Variants in DMD observed in about 807,000 individuals in gnomAD.
The protein encoded by DMD is mutant dystrophin.
In DMD, 63 loss-of-function variants were observed where a neutral mutation model predicts 330.1. The ratio of observed to expected loss-of-function variants is 0.19; its 90% CI spans 0.16 to 0.24. The LOEUF is 0.24. Ranked by LOEUF, DMD falls within the 10% of genes least tolerant of loss-of-function variation. The probability of loss-of-function intolerance (pLI) is 1.00; values close to 1 mark genes in which losing one functional copy is unlikely to be tolerated. For synonymous variants in DMD, 1,223 were observed against 959.8 expected (o/e 1.27, Z -5.07); for missense variants, 3,344 against 2,684.1 (o/e 1.25, Z -5.43).
intron 11 of DMD, among the ~76,000 whole-genome samples, chrX:32,625,152 CAG>C (rs758155078): frequency 5.2e-4 from 58 of 111,438 alleles, no homozygotes; most frequent in African/African-American, 1.8e-3. Flanking sequence ...GCCTGAGTGA[CAG>C]AGTGAAACGC....
Position 33,012,126 on chromosome X carries a change from T to A in DMD, c.93+8013A>T, listed in dbSNP as rs148174527. Among the ~76,000 whole-genome samples the A allele has an allele frequency of 2.7e-3, 299 of 111,983 alleles. 3 individuals are homozygous for A. Among genetic ancestry groups the A allele is most frequent in the East Asian group, 0.012 (43 of 3,568 alleles). On this transcript the variant is annotated intron_variant, in intron 2 of 78. Transcript: ENST00000357033. ...CTATTAACAATAAGTGATTTGTCTT[T>A]CTTTGAAAACAGTGAGACCTATCAC...
At chrX:32,408,876 C>CTATA (rs1328407280) in intron 30 of DMD, among the ~76,000 whole-genome samples, 2 of 103,959 alleles carry the variant, frequency 1.9e-5, no homozygotes, top group East Asian at 6.1e-4. Flanking sequence ...ATCTATCTAT[C>CTATA]TATCTATCTA....
chrX:31,872,177 T>C (rs2149666530), intron 48 of DMD, among the ~76,000 whole-genome samples: 1 of 109,475 alleles, frequency 9.1e-6, no homozygotes, highest in South Asian at 4.0e-4. Flanking sequence ...AAACTCGGAA[T>C]GTGCTCAGAG....
chrX:31,227,458 C>T (rs2046726475), intron 63 of DMD, among the ~76,000 whole-genome samples: 1 of 111,734 alleles, frequency 8.9e-6, no homozygotes, highest in Admixed American at 9.5e-5. Context: ...AAGCCTTCTG[C>T]TACCAGTTTT....
chrX:32,649,119 T>G (rs755939168), intron 9 of DMD, among the ~76,000 whole-genome samples: 74 of 103,507 alleles, frequency 7.1e-4, no homozygotes, highest in African/African-American at 2.4e-3. Context: ...TCTGTTTTTG[T>G]TTTTTTTTTT....
chrX:33,314,402 C>T (rs1363610837), intron 1 of DMD, among the ~76,000 whole-genome samples: 1 of 107,793 alleles, frequency 9.3e-6, no homozygotes, highest in Admixed American at 1.0e-4. Flanking sequence ...GGACTACAGG[C>T]GTGCATCACC....
rs2097841386 is a variant in DMD, at chrX:32,362,729, C to T, written c.5325+59G>A. ...TCTACTTGCCCCTTTCAGAGTACTG[C>T]GCAACCTTCGCAAGAGACCATTTAG... On this transcript the variant is annotated intron_variant, in intron 37 of 78. Transcript: ENST00000357033. 28 of 1,173,330 alleles carry T rather than the reference C, an allele frequency of 2.4e-5. No homozygotes were observed. The South Asian group carries it at 3.8e-4, about 16-fold the overall frequency.
At chrX:32,835,947 A>G (rs2079575798) in intron 4 of DMD, among the ~76,000 whole-genome samples, 1 of 111,216 alleles carries the variant, frequency 9.0e-6, no homozygotes, top group South Asian at 3.8e-4. Flanking sequence ...TCATAGGTTT[A>G]TAGAATTAGG....
intron 78 of DMD, 134 bp from the exon 79 acceptor site, chrX:31,122,064 A>G: frequency 1.9e-6 from 1 of 528,513 alleles, no homozygotes; most frequent in Non-Finnish European, 3.3e-6. Flanking sequence ...TCGAGGGTGT[A>G]CACAACAAGG....
chrX:31,719,769 C>T (rs192256041), intron 52 of DMD, among the ~76,000 whole-genome samples: 1 of 111,167 alleles, frequency 9.0e-6, no homozygotes, highest in Non-Finnish European at 1.9e-5. Flanking sequence ...GGTAAGCCAG[C>T]CACCACATCA....
At chrX:32,616,376 T>A (rs1389103939) in intron 11 of DMD, among the ~76,000 whole-genome samples, 1 of 111,306 alleles carries the variant, frequency 9.0e-6, no homozygotes, top group Non-Finnish European at 1.9e-5. Context: ...ATTGGAGATT[T>A]GTCTCTATTC....
At chrX:33,089,064 A>T (rs865947670) in intron 1 of DMD, among the ~76,000 whole-genome samples, 3 of 86,482 alleles carry the variant, frequency 3.5e-5, no homozygotes, top group African/African-American at 4.6e-5. Flanking sequence ...TACTCAATTC[A>T]TTTTTTTTTT....
chrX:33,314,555 G>A (rs1045495559), intron 1 of DMD, among the ~76,000 whole-genome samples: 1 of 91,976 alleles, frequency 1.1e-5, no homozygotes, highest in African/African-American at 4.0e-5. Flanking sequence ...ACTGTGCCCA[G>A]CCTGTTTTTT....
intron 29 of DMD, among the ~76,000 whole-genome samples, chrX:32,413,815 G>C (rs779971933): frequency 1.9e-5 from 2 of 103,621 alleles, no homozygotes; most frequent in East Asian, 6.1e-4. Flanking sequence ...CTGCCTCCCT[G>C]GTTCAAGTGA....
chrX:31,665,091 G>A (rs989650376), intron 53 of DMD, among the ~76,000 whole-genome samples: 2 of 111,732 alleles, frequency 1.8e-5, no homozygotes, highest in Non-Finnish European at 3.8e-5. Flanking sequence ...GTCAGTGAAA[G>A]AGTCATCATA....
At chrX:33,123,831 T>C (rs1438560129) in intron 1 of DMD, among the ~76,000 whole-genome samples, 2 of 110,243 alleles carry the variant, frequency 1.8e-5, no homozygotes, top group East Asian at 5.7e-4. Context: ...TAAAATGTCA[T>C]ATTTATTATT....
chrX:33,241,185 G>GT (rs2052581390), intron 1 of DMD, among the ~76,000 whole-genome samples: 1 of 111,957 alleles, frequency 8.9e-6, no homozygotes, highest in African/African-American at 3.2e-5. Flanking sequence ...TAGTCTTATA[G>GT]TTTCAGGTCT....
chrX:31,889,647 T>TCTCACACACACACACA (rs796563415), intron 47 of DMD, among the ~76,000 whole-genome samples: 16 of 71,594 alleles, frequency 2.2e-4, no homozygotes, highest in African/African-American at 6.7e-4. Flanking sequence ...TCTCTCTCTC[T>TCTCACACACACACACA]CACACACACA....
At chrX:32,544,697 C>A (rs899652851) in intron 17 of DMD, among the ~76,000 whole-genome samples, 1 of 110,549 alleles carries the variant, frequency 9.0e-6, no homozygotes, top group Non-Finnish European at 1.9e-5. Flanking sequence ...TTAGGATGCG[C>A]AGACTGAGAC....
Sources: gnomAD v4.1 joint callset for allele counts (sites outside exome capture counted in the v4.1 genomes callset) on GRCh38, gnomAD v4.1.1 for gene constraint, MANE v1.5 for transcripts, NCBI Gene and HGNC (gene_info 2026-07-23, HGNC 2026-07-21) for gene names.